RNF150: variants seen among roughly 807,000 people sequenced by gnomAD.
The protein encoded by RNF150 is ring finger protein 150.
A neutral mutation model predicts 39.3 loss-of-function variants in RNF150; 24 were observed. That is an observed-to-expected ratio of 0.61 (90% CI 0.44 to 0.86). RNF150 has a LOEUF of 0.86. Ranked by LOEUF, RNF150 falls within the 40% of genes least tolerant of loss-of-function variation. The probability of loss-of-function intolerance (pLI) is 0.00; values close to 1 mark genes in which losing one functional copy is unlikely to be tolerated. For synonymous variants in RNF150, 255 were observed against 227.3 expected (o/e 1.12, Z -1.10); for missense variants, 502 against 587.8 (o/e 0.85, Z 1.51).
rs1317826515 is a variant in RNF150, at chr4:140,999,979, A to C, written c.485-32106T>G. Among the ~76,000 whole-genome samples, 6 of 28,666 alleles carry C rather than the reference A, an allele frequency of 2.1e-4. 1 individual carries two copies. In the Admixed American group the frequency reaches 3.7e-3, roughly 18 times the overall value. 18.8% of individuals were successfully genotyped at this position (28,666 alleles called of 152,430 possible). ...GAAGAAGAAGAAGAAGAAGAAGAAA[A>C]GAAGAAAAGAAGAAAAGAAGAAGAA... On this transcript the variant is annotated intron_variant, in intron 1 of 6. Coordinates refer to ENST00000515673, the MANE Select transcript of RNF150 (RefSeq NM_020724.2).
At chr4:140,915,033 C>T (rs372624606) in intron 5 of RNF150, among the ~76,000 whole-genome samples, 27 of 152,148 alleles carry the variant, frequency 1.8e-4, no homozygotes, top group African/African-American at 4.8e-4. Flanking sequence ...AAGTTGTTTG[C>T]GAGTTGATAC....
At chr4:141,193,871 A>G (rs1041264448) in intron 1 of RNF150, among the ~76,000 whole-genome samples, 1 of 152,148 alleles carries the variant, frequency 6.6e-6, no homozygotes, top group Non-Finnish European at 1.5e-5. Flanking sequence ...ATTTCCCACT[A>G]CTGTTTATCT....
chr4:141,167,918 G>T (rs1314223107), intron 1 of RNF150, among the ~76,000 whole-genome samples: 1 of 152,140 alleles, frequency 6.6e-6, no homozygotes, highest in African/African-American at 2.4e-5. Flanking sequence ...AAAAGCAATG[G>T]CAACAAAAGC....
chr4:141,162,177 A>T (rs756973166), intron 1 of RNF150, among the ~76,000 whole-genome samples: 13 of 152,340 alleles, frequency 8.5e-5, no homozygotes, highest in South Asian at 8.3e-4. Flanking sequence ...ACAGGGGCAG[A>T]ACTGCCTAAG....
intron 1 of RNF150, among the ~76,000 whole-genome samples, chr4:140,983,318 C>T (rs1350166000): frequency 6.6e-6 from 1 of 152,098 alleles, no homozygotes; most frequent in East Asian, 1.9e-4. Flanking sequence ...ATGGGGTGGT[C>T]ATTCTAACAC....
chr4:141,187,739 G>C (rs186442594), intron 1 of RNF150, among the ~76,000 whole-genome samples: 386 of 152,226 alleles, frequency 2.5e-3, no homozygotes, highest in Non-Finnish European at 3.8e-3. Flanking sequence ...GAGCCTATGT[G>C]TGTCTTTGCA....
At chr4:141,141,571 G>A (rs1000372221) in intron 1 of RNF150, among the ~76,000 whole-genome samples, 1 of 152,190 alleles carries the variant, frequency 6.6e-6, no homozygotes, top group African/African-American at 2.4e-5. Flanking sequence ...GGAGGCCAAG[G>A]CGGCAGATCA....
At chr4:141,178,499 G>T (rs574754592) in intron 1 of RNF150, among the ~76,000 whole-genome samples, 19 of 152,130 alleles carry the variant, frequency 1.2e-4, no homozygotes, top group Non-Finnish European at 2.2e-4. Flanking sequence ...TAAGAGGTAC[G>T]TTGAGAAGAA....
intron 1 of RNF150, among the ~76,000 whole-genome samples, chr4:141,151,461 CAG>C (rs1270005201): frequency 1.1e-3 from 7 of 6,374 alleles, no homozygotes; most frequent in South Asian, 0.018. Flanking sequence ...CACACACACA[CAG>C]ACACACACAC....
At chr4:140,993,521 A>G (rs554586961) in intron 1 of RNF150, among the ~76,000 whole-genome samples, 22 of 152,342 alleles carry the variant, frequency 1.4e-4, no homozygotes, top group African/African-American at 5.3e-4. Context: ...AGTAGCAGCG[A>G]GAGACATTTC....
chr4:141,020,783 A>T (rs1735462133), intron 1 of RNF150, among the ~76,000 whole-genome samples: 1 of 152,160 alleles, frequency 6.6e-6, no homozygotes, highest in Non-Finnish European at 1.5e-5. Flanking sequence ...TCATGATCTA[A>T]GTTGTTTCAT....
At chr4:141,168,063 C>T (rs572112321) in intron 1 of RNF150, among the ~76,000 whole-genome samples, 7 of 152,210 alleles carry the variant, frequency 4.6e-5, no homozygotes, top group East Asian at 1.9e-4. Flanking sequence ...GGGCTAATAT[C>T]CAGAATCTAT....
At chr4:141,182,870 C>A (rs904665486) in intron 1 of RNF150, among the ~76,000 whole-genome samples, 16 of 146,142 alleles carry the variant, frequency 1.1e-4, no homozygotes, top group Non-Finnish European at 1.8e-4. Context: ...CCCGCATCGC[C>A]AAGTCAATCC....
chr4:140,917,366 CAA>C, intron 5 of RNF150, among the ~76,000 whole-genome samples: 1 of 151,484 alleles, frequency 6.6e-6, no homozygotes, highest in East Asian at 1.9e-4. Flanking sequence ...AAATGGAAAA[CAA>C]AAAAAGGCAG....
chr4:140,988,427 A>G (rs1469629333), intron 1 of RNF150, among the ~76,000 whole-genome samples: 1 of 152,166 alleles, frequency 6.6e-6, no homozygotes, highest in Admixed American at 6.6e-5. Flanking sequence ...ATTGAAAAGA[A>G]CGAAATCATG....
chr4:140,945,564 T>C (rs1309859035), intron 4 of RNF150, among the ~76,000 whole-genome samples: 3 of 146,570 alleles, frequency 2.0e-5, no homozygotes, highest in Non-Finnish European at 3.0e-5. Context: ...CATATATATA[T>C]ACATATATAC....
At chr4:141,002,911 C>T (rs1734719438) in intron 1 of RNF150, among the ~76,000 whole-genome samples, 2 of 152,074 alleles carry the variant, frequency 1.3e-5, no homozygotes, top group South Asian at 4.1e-4. Context: ...CTCTGTGTTC[C>T]AAAAGTTAAG....
chr4:141,128,506 G>C (rs1726808251), intron 1 of RNF150, among the ~76,000 whole-genome samples: 1 of 152,134 alleles, frequency 6.6e-6, no homozygotes, highest in African/African-American at 2.4e-5. Flanking sequence ...ACCGAAAGAA[G>C]CTTCACAGGC....
At chr4:140,945,845 G>A (rs935131006) in intron 4 of RNF150, among the ~76,000 whole-genome samples, 1 of 151,474 alleles carries the variant, frequency 6.6e-6, no homozygotes, top group Non-Finnish European at 1.5e-5. Flanking sequence ...AGTAGTAATC[G>A]CATAGGGCTC....
Sources: gnomAD v4.1 joint callset for allele counts (sites outside exome capture counted in the v4.1 genomes callset) on GRCh38, gnomAD v4.1.1 for gene constraint, MANE v1.5 for transcripts, NCBI Gene and HGNC (gene_info 2026-07-23, HGNC 2026-07-21) for gene names.